Variants in CTDP1 observed in about 807,000 individuals in gnomAD.
CTDP1 encodes CTD phosphatase 1, also known as RNA polymerase II subunit A C-terminal domain phosphatase.
CTDP1 carries 47 observed loss-of-function variants against 91.8 expected under a neutral mutation model. The observed-to-expected ratio is 0.51, with a 90% CI of 0.41 to 0.65. The LOEUF is 0.65. CTDP1 is among the 30% of genes least tolerant of loss of function. The probability of loss-of-function intolerance (pLI) is 0.00; values close to 1 mark genes in which losing one functional copy is unlikely to be tolerated. For synonymous variants in CTDP1, 656 were observed against 598.5 expected, an observed-to-expected ratio of 1.10 and a Z score of -1.40; for missense variants, 1,272 against 1,373.7, an observed-to-expected ratio of 0.93 and a Z score of 1.17.
chr18:79,712,482 A>G (rs1030490437), intron 6 of CTDP1, among the ~76,000 whole-genome samples: 13 of 151,930 alleles, frequency 8.6e-5, no homozygotes, highest in African/African-American at 2.9e-4. Context: ...GGGTCTTCCT[A>G]TGTTGCCCAG....
chr18:79,691,276 G>C (rs970292807), intron 1 of CTDP1, among the ~76,000 whole-genome samples: 4 of 152,236 alleles, frequency 2.6e-5, no homozygotes, highest in Admixed American at 6.5e-5. Flanking sequence ...CTCAGGCTGC[G>C]CTGGTGGCCC....
intron 11 of CTDP1, among the ~76,000 whole-genome samples, chr18:79,730,219 A>T (rs113776519): frequency 3.2e-4 from 48 of 152,174 alleles, no homozygotes; most frequent in Non-Finnish European, 6.3e-4. Context: ...CTCTAAAAAA[A>T]ATTTTTCTCA....
intron 1 of CTDP1, among the ~76,000 whole-genome samples, chr18:79,682,279 T>C (rs1277080099): frequency 6.6e-6 from 1 of 152,316 alleles, no homozygotes; most frequent in African/African-American, 2.4e-5. Flanking sequence ...TGGAACACAG[T>C]TGAAAATTAC....
At chr18:79,744,102 A>G (rs1568218444) in intron 12 of CTDP1, among the ~76,000 whole-genome samples, 2 of 152,176 alleles carry the variant, frequency 1.3e-5, no homozygotes, top group Non-Finnish European at 2.9e-5. Context: ...GGATGCAGCC[A>G]TTTGTCTCTT....
At chr18:79,729,538 G>A (rs1216343422) in intron 11 of CTDP1, among the ~76,000 whole-genome samples, 2 of 152,242 alleles carry the variant, frequency 1.3e-5, no homozygotes, top group Admixed American at 1.3e-4. Flanking sequence ...CGCACACAGA[G>A]TGACTGGTGA....
At position 79,717,565 on chromosome 18, in the gene CTDP1, G is replaced by T; in HGVS notation, c.2099G>T (p.Cys700Phe). 1 of 1,613,766 alleles carries T rather than the reference G, an allele frequency of 6.2e-7. No individual in the cohort carries two copies. The highest frequency in any genetic ancestry group is 8.5e-7 in the Non-Finnish European group (1 of 1,179,954). ...GAGAAGGTGCTGCAGGCACAGGAGTGCGGACACCTGCACGTGGTCAACCCT... is the reference window on the plus strand; with the variant it reads ...GAGAAGGTGCTGCAGGCACAGGAGTTCGGACACCTGCACGTGGTCAACCCT... ...GTEKVLQAQE[C>F]GHLHVVNPDW... The change falls in exon 9 of 13, where the codon TGC becomes TTC. Residue 700 changes from cysteine (C) to phenylalanine (F), a missense_variant. By Grantham distance (205) the Cys-to-Phe change is radical. Coordinates refer to ENST00000613122, the MANE Select transcript of CTDP1 (RefSeq NM_004715.5).
intron 12 of CTDP1, among the ~76,000 whole-genome samples, chr18:79,737,678 C>G (rs115156803): frequency 6.6e-6 from 1 of 152,052 alleles, no homozygotes; most frequent in South Asian, 2.1e-4. Flanking sequence ...CCTCACTGCC[C>G]GGTTCTGGGT....
chr18:79,707,923 T>C (rs2086001070), intron 5 of CTDP1, among the ~76,000 whole-genome samples: 1 of 152,254 alleles, frequency 6.6e-6, no homozygotes, highest in South Asian at 2.1e-4. Context: ...TGTTAAGAGT[T>C]TGCGATGCGT....
At chr18:79,697,436 G>A (rs926356558) in intron 3 of CTDP1, among the ~76,000 whole-genome samples, 8 of 152,262 alleles carry the variant, frequency 5.3e-5, no homozygotes, top group Non-Finnish European at 1.2e-4. Context: ...TAGGCTGAGC[G>A]TGGAAGGTTC....
At chr18:79,681,453 G>A in intron 1 of CTDP1, 1 of 985,350 alleles carries the variant, frequency 1.0e-6, no homozygotes, top group Non-Finnish European at 1.2e-6. Flanking sequence ...CAGGATGGAA[G>A]ATCCCTACTG....
intron 4 of CTDP1, among the ~76,000 whole-genome samples, chr18:79,699,068 C>A (rs146095367): frequency 6.6e-6 from 1 of 152,078 alleles, no homozygotes; most frequent in African/African-American, 2.4e-5. Context: ...GAGTAACTGC[C>A]GTGCTGCACA....
At position 79,680,005 on chromosome 18, in the gene CTDP1, G is replaced by A. The variant is rs1324904727; in HGVS notation, c.58G>A (p.Ala20Thr). ...PAEGAPTAAV[A>T]EVRCPGPAPL... Reference sequence around the variant, plus strand: ...CGAGGGCGCCCCGACGGCGGCTGTGGCCGAGGTGCGCTGCCCGGGGCCCGC... The same window carrying A: ...CGAGGGCGCCCCGACGGCGGCTGTGACCGAGGTGCGCTGCCCGGGGCCCGC... Residue 20 changes from alanine to threonine, a missense_variant, in exon 1 of 13, where the codon GCC becomes ACC. Around this residue, in one of 3 missense-constraint regions of CTDP1, gnomAD observed 214 missense variants for 179.1 expected, o/e 1.19. Transcript: ENST00000613122. The A allele has an allele frequency of 2.3e-6, 3 of 1,312,872 alleles. No individual in the cohort carries two copies. The highest frequency in any genetic ancestry group is 1.9e-5 in the South Asian group (1 of 51,808). The allele number at this position is 1,312,872 out of a possible 1,614,324, so 81.3% of individuals were successfully genotyped here.
intron 12 of CTDP1, among the ~76,000 whole-genome samples, chr18:79,738,732 A>G (rs2086717552): frequency 6.6e-6 from 1 of 152,262 alleles, no homozygotes. Context: ...GTTTGCAGGA[A>G]TTACTTACAG....
At chr18:79,692,280 C>T (rs904829176) in intron 1 of CTDP1, among the ~76,000 whole-genome samples, 17 of 152,182 alleles carry the variant, frequency 1.1e-4, no homozygotes, top group Middle Eastern at 3.4e-3. Flanking sequence ...AGGTGCCCCC[C>T]GCCCGCCATG....
intron 1 of CTDP1, among the ~76,000 whole-genome samples, chr18:79,682,253 G>T (rs984101149): frequency 1.3e-5 from 2 of 152,210 alleles, no homozygotes; most frequent in African/African-American, 4.8e-5. Flanking sequence ...TCCCCAAAAT[G>T]CCTGCTGCAC....
chr18:79,715,080 C>A lies in CTDP1; in HGVS notation c.1620C>A (p.Gly540=). The A allele has an allele frequency of 6.2e-7, 1 of 1,612,910 alleles. No homozygotes were observed. Among genetic ancestry groups the A allele is most frequent in the Non-Finnish European group, 8.5e-7 (1 of 1,179,830 alleles). ...GGCAGGAGGAGGGCGAGCGGGATGG[C>A]CTCTGCGGCCTGGGCAACGGCTGTG... ...LGGQEEGERD[G]LCGLGNGCAD... The change falls in exon 8 of 13, where the codon GGC becomes GGA. Residue 540 remains glycine, a synonymous_variant. Coordinates refer to ENST00000613122, the MANE Select transcript of CTDP1 (RefSeq NM_004715.5).
chr18:79,688,687 A>G (rs539965954), intron 1 of CTDP1, among the ~76,000 whole-genome samples: 7 of 151,974 alleles, frequency 4.6e-5, no homozygotes, highest in Admixed American at 3.3e-4. Context: ...GGCGTGAGCC[A>G]TCACTCCCAG....
At chr18:79,723,469 C>T (rs2086385973) in intron 10 of CTDP1, among the ~76,000 whole-genome samples, 1 of 152,220 alleles carries the variant, frequency 6.6e-6, no homozygotes, top group Admixed American at 6.5e-5. Flanking sequence ...TGGTCCTCAT[C>T]TAAGTCTTTG....
chr18:79,680,386 C>T (rs542530139), intron 1 of CTDP1, 125 bp downstream of exon 1: 7 of 734,124 alleles, frequency 9.5e-6, no homozygotes, highest in African/African-American at 1.8e-5. Flanking sequence ...TAAAGCGGGA[C>T]GCAGGCACTG....
Sources: allele counts gnomAD v4.1 joint callset (sites outside exome capture counted in the v4.1 genomes callset), GRCh38; gene constraint gnomAD v4.1.1; regional missense constraint gnomAD v4.1.1; transcripts MANE v1.5; gene names NCBI Gene and HGNC (gene_info 2026-07-23, HGNC 2026-07-21).